RIMS1: variants seen among roughly 807,000 people sequenced by gnomAD.
RIMS1 encodes the protein regulating synaptic membrane exocytosis protein 1.
RIMS1 carries 83 observed loss-of-function variants against 214.1 expected under a neutral mutation model. The ratio of observed to expected loss-of-function variants is 0.39; its 90% CI spans 0.32 to 0.47. RIMS1 has a LOEUF of 0.47. Ranked by LOEUF, RIMS1 falls within the 20% of genes least tolerant of loss-of-function variation. The pLI, the probability that RIMS1 is intolerant of heterozygous loss-of-function variation, is 0.99. For synonymous variants in RIMS1, 793 were observed against 786.8 expected (o/e 1.01, Z -0.13); for missense variants, 2,050 against 2,161.8 (o/e 0.95, Z 1.03).
At chr6:71,890,433 A>G (rs1373348031) in intron 1 of RIMS1, among the ~76,000 whole-genome samples, 6 of 49,154 alleles carry the variant, frequency 1.2e-4, no homozygotes, top group Non-Finnish European at 2.6e-4. Flanking sequence ...TCTGAAACCT[A>G]ACTTTCTCGA....
chr6:71,927,309 T>A (rs1005474806), intron 1 of RIMS1, among the ~76,000 whole-genome samples: 1 of 152,192 alleles, frequency 6.6e-6, no homozygotes, highest in Non-Finnish European at 1.5e-5. Flanking sequence ...TCGGACTGAT[T>A]CACAATTTTC....
intron 24 of RIMS1, 120 bp from the exon 25 acceptor site, chr6:72,290,559 T>C (rs566907510): frequency 3.9e-6 from 3 of 777,688 alleles, no homozygotes; most frequent in East Asian, 2.7e-5. Context: ...GCGTGATGGG[T>C]TCTCTTCTTT....
rs1564175152 is a variant in RIMS1 at position 72,333,654 on chromosome 6, C to T, written c.4185C>T (p.Ile1395=). ...GRRMGTSGRS[I]MKSTSVSGEM... is the part of the protein sequence containing the mutation. ...GGATGGGGACTTCAGGAAGATCCAT[C>T]ATGAAGAGCACCAGTGTCAGTGGAG... is the stretch of plus-strand genomic sequence containing the variant. Residue 1395 remains isoleucine, a synonymous_variant, in exon 29 of 34, where the codon ATC becomes ATT. Coordinates refer to ENST00000521978, the MANE Select transcript of RIMS1 (RefSeq NM_014989.7). 6.3e-7 allele frequency: 1 copy of T among 1,597,712 alleles called. No individual in the cohort carries two copies. Among genetic ancestry groups the T allele is most frequent in the African/African-American group, 1.3e-5 (1 of 74,496 alleles).
At chr6:72,373,303 T>A (rs1041864325) in intron 29 of RIMS1, among the ~76,000 whole-genome samples, 1 of 152,236 alleles carries the variant, frequency 6.6e-6, no homozygotes, top group Admixed American at 6.5e-5. Context: ...ATAAATATAC[T>A]CCTGCTCTAA....
intron 2 of RIMS1, among the ~76,000 whole-genome samples, chr6:72,011,152 C>A (rs1192898398): frequency 6.6e-6 from 1 of 152,106 alleles, no homozygotes; most frequent in Non-Finnish European, 1.5e-5. Context: ...TGGAATAGAA[C>A]AGAGCCCTCA....
chr6:72,171,088 AG>A (rs2046966066), intron 4 of RIMS1, among the ~76,000 whole-genome samples: 1 of 152,042 alleles, frequency 6.6e-6, no homozygotes, highest in Non-Finnish European at 1.5e-5. Context: ...TCTACCTCCA[AG>A]GGCTGCTCCT....
intron 2 of RIMS1, among the ~76,000 whole-genome samples, chr6:71,972,401 G>A (rs2151383635): frequency 6.6e-6 from 1 of 152,206 alleles, no homozygotes; most frequent in South Asian, 2.1e-4. Context: ...AACCGAGTAG[G>A]GAAAAAGAAA....
chr6:72,187,162 G>A (rs2049252749), intron 6 of RIMS1, among the ~76,000 whole-genome samples: 1 of 151,996 alleles, frequency 6.6e-6, no homozygotes, highest in Non-Finnish European at 1.5e-5. Flanking sequence ...GAGGAAGAAA[G>A]GAGGGAAGGA....
At chr6:72,200,390 G>A (rs1362200514) in intron 6 of RIMS1, among the ~76,000 whole-genome samples, 1 of 152,034 alleles carries the variant, frequency 6.6e-6, no homozygotes, top group African/African-American at 2.4e-5. Context: ...ATCTACATCT[G>A]CCCTGGGCCC....
chr6:72,196,969 C>T (rs534972899), intron 6 of RIMS1, among the ~76,000 whole-genome samples: 3 of 152,206 alleles, frequency 2.0e-5, no homozygotes, highest in East Asian at 3.9e-4. Flanking sequence ...CATCACTCTT[C>T]TTACCATTCC....
intron 1 of RIMS1, among the ~76,000 whole-genome samples, chr6:71,942,836 A>G (rs1287432220): frequency 6.6e-6 from 1 of 152,074 alleles, no homozygotes; most frequent in African/African-American, 2.4e-5. Flanking sequence ...CAATTTATCT[A>G]AACATGCACT....
In RIMS1 at chr6:72,112,625, A is replaced by G. The variant is rs539943878; in HGVS notation, c.471+12639A>G. On this transcript the variant is annotated intron_variant, in intron 4 of 33. Coordinates refer to ENST00000521978, the MANE Select transcript of RIMS1 (RefSeq NM_014989.7). ...GCTAGCATAACTCTCTTTTCCTGGA[A>G]CATTATTTCCACTCCTCACTCCCAA... Among the ~76,000 whole-genome samples the G allele has an allele frequency of 6.6e-5, 10 of 152,134 alleles. No homozygotes were observed. The East Asian group carries it at 1.9e-3, about 29-fold the overall frequency.
intron 2 of RIMS1, among the ~76,000 whole-genome samples, chr6:72,063,885 T>G (rs1277918944): frequency 6.6e-6 from 1 of 152,208 alleles, no homozygotes; most frequent in Non-Finnish European, 1.5e-5. Flanking sequence ...AGTGTGGCTG[T>G]GTGGTTCCTT....
chr6:72,107,547 T>G (rs1317641545), intron 4 of RIMS1, among the ~76,000 whole-genome samples: 1 of 151,700 alleles, frequency 6.6e-6, no homozygotes, highest in Non-Finnish European at 1.5e-5. Flanking sequence ...GGCAACAGAG[T>G]AAGACTCCAT....
At chr6:72,301,833 G>A (rs2094635630) in intron 26 of RIMS1, among the ~76,000 whole-genome samples, 1 of 151,470 alleles carries the variant, frequency 6.6e-6, no homozygotes, top group East Asian at 1.9e-4. Context: ...AATCAATCCT[G>A]AACAGATGTT....
chr6:72,290,639 A>G (rs1393458295), intron 24 of RIMS1, 40 bp from the exon 25 acceptor site: 2 of 1,574,922 alleles, frequency 1.3e-6, no homozygotes, highest in Admixed American at 3.5e-5. Context: ...GTTAATGTGA[A>G]CCTGCTGACT....
chr6:72,020,137 T>C (rs894809849), intron 2 of RIMS1, among the ~76,000 whole-genome samples: 4 of 152,188 alleles, frequency 2.6e-5, no homozygotes, highest in African/African-American at 9.6e-5. Flanking sequence ...ATATCAAAGT[T>C]AGTTCTACAT....
rs192693321 is a variant in RIMS1, at chr6:72,158,934, C to G, written c.472-20641C>G. 8.6e-4 allele frequency among the ~76,000 whole-genome samples: 120 copies of G among 140,232 alleles called. 6 individuals are homozygous for G. The highest frequency in any genetic ancestry group is 2.9e-3 in the African/African-American group (117 of 40,612). 92.0% of individuals were successfully genotyped at this position (140,232 alleles called of 152,430 possible). A position where few individuals can be genotyped will look rare whatever the true frequency, so the allele number is the denominator to read the frequency against. ...TTGGGTATAAATGGGATGGCTGGGTCAAATGGTATTTCTAGTTCTAGGTCC... is the reference window on the plus strand; with the variant it reads ...TTGGGTATAAATGGGATGGCTGGGTGAAATGGTATTTCTAGTTCTAGGTCC... On this transcript the variant is annotated intron_variant, in intron 4 of 33. Transcript: ENST00000521978.
intron 2 of RIMS1, among the ~76,000 whole-genome samples, chr6:72,058,702 G>A (rs919750680): frequency 6.6e-5 from 10 of 152,172 alleles, no homozygotes; most frequent in Admixed American, 2.0e-4. Context: ...GACCCATTCA[G>A]AGGAGTCCTC....
Sources: allele counts gnomAD v4.1 joint callset (sites outside exome capture counted in the v4.1 genomes callset), GRCh38; gene constraint gnomAD v4.1.1; transcripts MANE v1.5; gene names NCBI Gene and HGNC (gene_info 2026-07-23, HGNC 2026-07-21).